The following NLRP4 variants were observed in gnomAD, a reference collection of about 807,000 sequenced individuals.
NLRP4 encodes NLR family pyrin domain containing 4.
Under a neutral mutation model 84.7 loss-of-function variants are expected in NLRP4, and 44 were observed. The observed-to-expected ratio is 0.52, with a 90% confidence interval of 0.41 to 0.67. The LOEUF (loss-of-function observed/expected upper bound fraction) is 0.67. NLRP4 is among the 30% of genes least tolerant of loss of function. The pLI is 0.00. For synonymous variants in NLRP4, 544 were observed against 476.4 expected, an observed-to-expected ratio of 1.14 and a Z score of -1.85; for missense variants, 1,260 against 1,219.4, an observed-to-expected ratio of 1.03 and a Z score of -0.50.
At chr19:55,868,432 G>A (rs559228435) in intron 6 of NLRP4, among the ~76,000 whole-genome samples, 6 of 151,900 alleles carry the variant, frequency 3.9e-5, no homozygotes, top group Non-Finnish European at 2.9e-5. Flanking sequence ...ACCTATTAAT[G>A]GAATTCTAAT....
At chr19:55,863,137 A>G (rs1214355350) in intron 5 of NLRP4, among the ~76,000 whole-genome samples, 1 of 152,212 alleles carries the variant, frequency 6.6e-6, no homozygotes, top group Non-Finnish European at 1.5e-5. Context: ...TCCATGAGAA[A>G]GAACACTCTC....
In NLRP4 at chr19:55,858,295, G is replaced by A; in HGVS notation, c.902G>A (p.Gly301Glu). The A allele has an allele frequency of 7.4e-6, 12 of 1,614,164 alleles. No individual in the cohort carries two copies. Among genetic ancestry groups the A allele is most frequent in the Non-Finnish European group, 1.0e-5 (12 of 1,180,028 alleles). Residue 301 changes from glycine to glutamate, a missense_variant, in exon 3 of 10, where the codon GGA becomes GAA. This residue lies in a region of NLRP4 where 712 missense variants were observed against 669.2 expected (regional missense o/e 1.06). Transcript: ENST00000301295. This position sits in a 1 kb window ranked among gnomAD's most constrained non-coding sequence, Gnocchi z 4.2. ...VTISEIYQPR[G>E]FNESDRLVYF... ...ATCTCAGAAATCTACCAGCCCCGGGGATTCAACGAGAGTGATAGGTTAGTG... is the reference window on the plus strand; with the variant it reads ...ATCTCAGAAATCTACCAGCCCCGGGAATTCAACGAGAGTGATAGGTTAGTG...
At chr19:55,846,686 A>C (rs143099402) in intron 1 of NLRP4, among the ~76,000 whole-genome samples, 2 of 152,254 alleles carry the variant, frequency 1.3e-5, no homozygotes, top group African/African-American at 4.8e-5. Context: ...CTAGGGAAGG[A>C]CCTGGGGATT....
At chr19:55,876,351 G>T (rs768554858) in intron 7 of NLRP4, among the ~76,000 whole-genome samples, 1 of 151,984 alleles carries the variant, frequency 6.6e-6, no homozygotes, top group Non-Finnish European at 1.5e-5. Flanking sequence ...ATGTAAAATG[G>T]CATAGTGTGT....
At chr19:55,852,438 C>G in intron 2 of NLRP4, 78 bp downstream of exon 2, 1 of 789,650 alleles carries the variant, frequency 1.3e-6, no homozygotes, top group Non-Finnish European at 2.1e-6. Flanking sequence ...CTCTGCCTGT[C>G]TACAACAGGA....
At chr19:55,866,287 C>T (rs1984952459) in intron 5 of NLRP4, among the ~76,000 whole-genome samples, 1 of 152,166 alleles carries the variant, frequency 6.6e-6, no homozygotes, top group Non-Finnish European at 1.5e-5. Context: ...CCTCCTTGGC[C>T]TCCCAAAGTG....
intron 1 of NLRP4, among the ~76,000 whole-genome samples, chr19:55,851,767 A>G (rs907685319): frequency 1.3e-5 from 2 of 151,524 alleles, no homozygotes; most frequent in Non-Finnish European, 2.9e-5. Flanking sequence ...TGTAAAGTCT[A>G]TATTTGCCTG....
Position 55,852,075 on chromosome 19 carries a change from G to A in NLRP4, c.-6G>A. On this transcript the variant is annotated 5_prime_UTR_variant, in exon 2 of 10. Coordinates refer to ENST00000301295, the MANE Select transcript of NLRP4 (RefSeq NM_134444.5). Reference sequence around the variant, plus strand: ...TTTGAGGATTGGTATCTCTGCTCCAGAAAAGATGGCAGCCTCTTTCTTCTC... The same window carrying A: ...TTTGAGGATTGGTATCTCTGCTCCAAAAAAGATGGCAGCCTCTTTCTTCTC... The A allele has an allele frequency of 6.3e-7, 1 of 1,586,852 alleles. No individual in the cohort carries two copies. Among genetic ancestry groups the A allele is most frequent in the Non-Finnish European group, 8.5e-7 (1 of 1,172,046 alleles).
chr19:55,872,082 T>C (rs1457814997), intron 7 of NLRP4, among the ~76,000 whole-genome samples: 4 of 152,054 alleles, frequency 2.6e-5, no homozygotes, highest in Non-Finnish European at 5.9e-5. Context: ...TCTCCTGATC[T>C]CGTGATCCGC....
intron 2 of NLRP4, 193 bp from the exon 3 acceptor site, chr19:55,857,481 T>C (rs1984486783): frequency 5.0e-6 from 3 of 594,796 alleles, no homozygotes; most frequent in Non-Finnish European, 8.9e-6. Flanking sequence ...GGAAGGCTCC[T>C]GTAGACAATA....
intron 5 of NLRP4, among the ~76,000 whole-genome samples, chr19:55,867,203 G>T (rs1391888791): frequency 6.7e-6 from 1 of 149,396 alleles, no homozygotes; most frequent in Non-Finnish European, 1.5e-5. Flanking sequence ...TGCATATCAG[G>T]TTGGCTGTCT....
At chr19:55,866,327 C>T (rs763150067) in intron 5 of NLRP4, among the ~76,000 whole-genome samples, 14 of 152,146 alleles carry the variant, frequency 9.2e-5, no homozygotes, top group Non-Finnish European at 1.6e-4. Flanking sequence ...CCACCACGCC[C>T]GGCCGCACCA....
rs553189222 is a variant in NLRP4 at position 55,856,340 on chromosome 19, G to A, written c.281-1334G>A. ...GCCTTCTGTTACAGAAGAGTCCAGC[G>A]TCTGTGTGTTCATGGAAGCTGGCAG... On this transcript the variant is annotated intron_variant, in intron 2 of 9. Transcript: ENST00000301295. Among the ~76,000 whole-genome samples, 529 of 152,070 alleles carry A rather than the reference G, an allele frequency of 3.5e-3. 1 individual carries two copies. Among genetic ancestry groups the A allele is most frequent in the Middle Eastern group, 6.8e-3 (2 of 292 alleles).
chr19:55,872,095 G>A (rs956845223), intron 7 of NLRP4, among the ~76,000 whole-genome samples: 31 of 151,998 alleles, frequency 2.0e-4, no homozygotes, highest in Admixed American at 6.6e-4. Flanking sequence ...TGATCCGCCC[G>A]CCTCGGCCTC....
Position 55,861,546 on chromosome 19 carries a change from G to A in NLRP4, c.2017G>A (p.Gly673Arg). 1 of 1,613,624 alleles carries A rather than the reference G, an allele frequency of 6.2e-7. No homozygotes were observed. ...RHPSCRLQKL[G>R]INNVSFSGQS... ...TCCCAGCTGTCGCCTTCAGAAGCTT[G>A]GGTGAGTTGAGAATCGACTTCGACT... The change falls in exon 4 of 10, where the codon GGA (glycine) becomes AGA (arginine). Residue 673 changes from glycine to arginine, a missense_variant and splice_region_variant. By Grantham distance (125) the Gly-to-Arg change is moderately radical. This residue lies in a region of NLRP4 where 544 missense variants were observed against 531.7 expected (regional missense o/e 1.02). Coordinates refer to ENST00000301295, the MANE Select transcript of NLRP4 (RefSeq NM_134444.5).
chr19:55,870,388 G>A (rs1290282938), intron 6 of NLRP4, among the ~76,000 whole-genome samples: 8 of 152,126 alleles, frequency 5.3e-5, no homozygotes, highest in Non-Finnish European at 1.2e-4. Flanking sequence ...AGGGCCGGAC[G>A]CGGTGGCTCA....
rs772913904 is a variant in NLRP4 at position 55,877,099 on chromosome 19, G to A, written c.2629G>A (p.Gly877Arg). The A allele has an allele frequency of 5.6e-6, 9 of 1,614,034 alleles. No homozygotes were observed. The highest frequency in any genetic ancestry group is 4.5e-5 in the East Asian group (2 of 44,898). The change falls in exon 8 of 10, where the codon GGA (glycine) becomes AGA (arginine). Residue 877 changes from glycine to arginine, a missense_variant. This residue lies in a region of NLRP4 where 544 missense variants were observed against 531.7 expected (regional missense o/e 1.02). Transcript: ENST00000301295. ...KILQIGCNEI[G>R]DVGVQLLCRA... Reference sequence around the variant, plus strand: ...TCTGCAAATTGGGTGCAATGAAATCGGAGATGTGGGTGTGCAGCTGTTGTG... The same window carrying A: ...TCTGCAAATTGGGTGCAATGAAATCAGAGATGTGGGTGTGCAGCTGTTGTG...
chr19:55,872,908 G>A (rs1246184422), intron 7 of NLRP4, among the ~76,000 whole-genome samples: 4 of 152,092 alleles, frequency 2.6e-5, no homozygotes, highest in African/African-American at 9.7e-5. Context: ...CAAGGGGCTG[G>A]GAGCTTGGGG....
chr19:55,838,166 G>A (rs1274840142), intron 1 of NLRP4, among the ~76,000 whole-genome samples: 1 of 151,524 alleles, frequency 6.6e-6, no homozygotes, highest in African/African-American at 2.4e-5. Context: ...GCCAACTGTG[G>A]TGGCGCATGC....
Sources: allele counts gnomAD v4.1 joint callset (sites outside exome capture counted in the v4.1 genomes callset), GRCh38; gene constraint gnomAD v4.1.1; regional missense constraint gnomAD v4.1.1; non-coding constraint Gnocchi (gnomAD v3.1); transcripts MANE v1.5; gene names NCBI Gene and HGNC (gene_info 2026-07-23, HGNC 2026-07-21).